The following ADGRV1 variants were observed in gnomAD, a reference collection of about 807,000 sequenced individuals.
The protein encoded by ADGRV1 is G-protein coupled receptor 98.
Under a neutral mutation model 596.2 loss-of-function variants are expected in ADGRV1, and 359 were observed. The ratio of observed to expected loss-of-function variants is 0.60; its 90% CI spans 0.55 to 0.66. The LOEUF (loss-of-function observed/expected upper bound fraction) is 0.66, where lower values mean the gene tolerates loss of function less well. ADGRV1 is among the 30% of genes least tolerant of loss of function. The pLI is 0.00. For missense variants in ADGRV1, 7,274 were observed against 7,575.6 expected, an observed-to-expected ratio of 0.96 and a Z score of 1.48; for synonymous variants, 2,681 against 2,679.2, an observed-to-expected ratio of 1.00 and a Z score of -0.02.
At chr5:90,839,730 A>G (rs1765270535) in intron 77 of ADGRV1, among the ~76,000 whole-genome samples, 1 of 152,156 alleles carries the variant, frequency 6.6e-6, no homozygotes, top group Admixed American at 6.5e-5. Flanking sequence ...TTTTATATAA[A>G]ATGCTACCCT....
chr5:90,993,613 A>G (rs1781155512), intron 85 of ADGRV1, among the ~76,000 whole-genome samples: 2 of 152,098 alleles, frequency 1.3e-5, no homozygotes, highest in Non-Finnish European at 2.9e-5. Flanking sequence ...TATGTTTTCA[A>G]TTCTCTTGAG....
chr5:90,720,879 C>T (rs1750828057), intron 44 of ADGRV1, 56 bp from the exon 45 acceptor site: 13 of 1,445,152 alleles, frequency 9.0e-6, no homozygotes, highest in Non-Finnish European at 1.1e-5. Context: ...ATATATATTT[C>T]AAATATGTAG....
At chr5:90,924,902 T>A (rs575810650) in intron 83 of ADGRV1, among the ~76,000 whole-genome samples, 1 of 151,874 alleles carries the variant, frequency 6.6e-6, no homozygotes, top group Admixed American at 6.6e-5. Flanking sequence ...CCTTTCCCCA[T>A]TGCTTGTTTT....
At chr5:91,144,102 G>T (rs1397060388) in intron 87 of ADGRV1, among the ~76,000 whole-genome samples, 1 of 152,122 alleles carries the variant, frequency 6.6e-6, no homozygotes, top group African/African-American at 2.4e-5. Context: ...GGGCCCTTGA[G>T]AGTGCAGAGA....
At chr5:91,113,243 T>C (rs1389613590) in intron 87 of ADGRV1, among the ~76,000 whole-genome samples, 4 of 152,140 alleles carry the variant, frequency 2.6e-5, no homozygotes, top group African/African-American at 9.7e-5. Context: ...ATTGTGAGAC[T>C]ATAGGGATCA....
intron 53 of ADGRV1, among the ~76,000 whole-genome samples, chr5:90,752,296 A>AT (rs1755349350): frequency 6.6e-6 from 1 of 152,078 alleles, no homozygotes; most frequent in Admixed American, 6.6e-5. Context: ...TCTTGAATTT[A>AT]TTTTTTTAAC....
chr5:90,618,176 G>A (rs1763608039), intron 3 of ADGRV1, among the ~76,000 whole-genome samples: 1 of 152,120 alleles, frequency 6.6e-6, no homozygotes, highest in Non-Finnish European at 1.5e-5. Flanking sequence ...GATCCATTCA[G>A]CTTACTCGGG....
At chr5:90,680,445 T>C (rs74993687) in intron 26 of ADGRV1, among the ~76,000 whole-genome samples, 2 of 152,262 alleles carry the variant, frequency 1.3e-5, no homozygotes, top group Non-Finnish European at 2.9e-5. Context: ...GAAGGTGATA[T>C]TGAAAAGAGG....
At chr5:90,609,591 A>T (rs1048580525) in intron 1 of ADGRV1, among the ~76,000 whole-genome samples, 12 of 151,970 alleles carry the variant, frequency 7.9e-5, no homozygotes, top group African/African-American at 2.4e-4. Flanking sequence ...ATAATTGATG[A>T]TAGGAATGAT....
chr5:91,028,005 C>G (rs1784154882), intron 85 of ADGRV1, among the ~76,000 whole-genome samples: 1 of 151,188 alleles, frequency 6.6e-6, no homozygotes, highest in Non-Finnish European at 1.5e-5. Flanking sequence ...AAGTGACCCA[C>G]TCACTACTGA....
intron 83 of ADGRV1, among the ~76,000 whole-genome samples, chr5:90,940,956 G>C (rs1776121264): frequency 6.6e-6 from 1 of 152,166 alleles, no homozygotes; most frequent in African/African-American, 2.4e-5. Flanking sequence ...GTAGCTGTTT[G>C]TGCTACAGCA....
intron 83 of ADGRV1, among the ~76,000 whole-genome samples, chr5:90,960,394 G>A (rs1157693223): frequency 6.6e-6 from 1 of 152,040 alleles, no homozygotes; most frequent in Non-Finnish European, 1.5e-5. Flanking sequence ...GTTCAAACTC[G>A]ATAGAATTCC....
In ADGRV1 at chr5:90,643,991, A is replaced by G. The variant is rs371906040; in HGVS notation, c.2734+8A>G. The G allele has an allele frequency of 3.0e-5, 46 of 1,549,658 alleles. No homozygotes were observed. The African/African-American group carries it at 5.4e-4, about 18-fold the overall frequency. ...GAGATGCTATCTATAGTGGTAATTT[A>G]TTCTGTGTCTTATATTGTATTTCTG... On this transcript the variant is annotated splice_region_variant and intron_variant, in intron 14 of 89. Coordinates refer to ENST00000405460, the MANE Select transcript of ADGRV1 (RefSeq NM_032119.4).
At chr5:90,936,561 ATCT>A (rs1444301259) in intron 83 of ADGRV1, among the ~76,000 whole-genome samples, 2 of 151,710 alleles carry the variant, frequency 1.3e-5, no homozygotes, top group Non-Finnish European at 2.9e-5. Context: ...TTAATATTTT[ATCT>A]TCTTATTATT....
At chr5:91,158,614 T>C (rs1435349173) in intron 89 of ADGRV1, among the ~76,000 whole-genome samples, 1 of 152,168 alleles carries the variant, frequency 6.6e-6, no homozygotes, top group Non-Finnish European at 1.5e-5. Flanking sequence ...AGACAGAGGT[T>C]AATAAGTCTC....
intron 83 of ADGRV1, among the ~76,000 whole-genome samples, chr5:90,961,394 A>G (rs1346116391): frequency 1.4e-5 from 2 of 147,872 alleles, no homozygotes; most frequent in Non-Finnish European, 3.0e-5. Context: ...AGGCTGAGGC[A>G]GGAGATTCGC....
chr5:91,072,602 C>T lies in ADGRV1; in HGVS notation c.18308C>T (p.Ala6103Val), dbSNP rs1199101166. ...GTCTTCAGAGGAAGGACAAATGCTG[C>T]AGGTTTGAAAGGAACTATATTTGTA... is the stretch of plus-strand genomic sequence containing the variant. ...DDVFRGRTNAAEIPLILYLFA... is the reference protein window; with the variant it reads ...DDVFRGRTNAVEIPLILYLFA... Residue 6103 changes from alanine (A) to valine (V), a missense_variant and splice_region_variant, in exon 86 of 90, where the codon GCA (alanine) becomes GTA (valine). Ala to Val is a moderately conservative substitution (Grantham distance 64). Transcript: ENST00000405460. 6.2e-7 allele frequency: 1 copy of T among 1,613,406 alleles called. No individual in the cohort carries two copies. Among genetic ancestry groups the T allele is most frequent in the Non-Finnish European group, 8.5e-7 (1 of 1,179,486 alleles).
intron 75 of ADGRV1, among the ~76,000 whole-genome samples, chr5:90,817,025 C>A (rs4916691): frequency 0.75 from 113,929 of 151,726 alleles, 48,272 homozygotes; most frequent in Non-Finnish European, 0.94. Flanking sequence ...TACAGTCCCA[C>A]CAACAGTGTA....
chr5:90,958,535 CT>C (rs1258146713), intron 83 of ADGRV1, among the ~76,000 whole-genome samples: 27 of 134,326 alleles, frequency 2.0e-4, no homozygotes, highest in African/African-American at 7.4e-4. Flanking sequence ...GACTGGATGG[CT>C]TTAACAACAC....
Sources: allele counts gnomAD v4.1 joint callset (sites outside exome capture counted in the v4.1 genomes callset), GRCh38; gene constraint gnomAD v4.1.1; transcripts MANE v1.5; gene names NCBI Gene and HGNC (gene_info 2026-07-23, HGNC 2026-07-21).